The following PCDHGA7 variants were observed in gnomAD, a reference collection of about 807,000 sequenced individuals.
The protein encoded by PCDHGA7 is protocadherin gamma-A7.
In PCDHGA7, 44 loss-of-function variants were observed where a neutral mutation model predicts 58.3. The observed-to-expected ratio is 0.75, with a 90% CI of 0.59 to 0.97. PCDHGA7 has a LOEUF of 0.97. Among genes scored for constraint, PCDHGA7 ranks in the 50% least tolerant of loss-of-function variants. PCDHGA7 has a pLI of 0.00. For missense variants in PCDHGA7, 1,266 were observed against 1,188.7 expected (o/e 1.06, Z -0.96); for synonymous variants, 516 against 504.2 (o/e 1.02, Z -0.31).
At chr5:141,433,349 T>C in intron 1 of PCDHGA7, 1 of 616,610 alleles carries the variant, frequency 1.6e-6, no homozygotes, top group East Asian at 2.8e-5. Flanking sequence ...GCAAGCCACC[T>C]ACTGTCTGCC....
Position 141,384,107 on chromosome 5 carries a change from G to T in PCDHGA7, c.1208G>T (p.Arg403Ile). 3 of 1,602,850 alleles carry T rather than the reference G, an allele frequency of 1.9e-6. No homozygotes were observed. Among genetic ancestry groups the T allele is most frequent in the Non-Finnish European group, 2.6e-6 (3 of 1,174,238 alleles). The change falls in exon 1 of 4, where the codon AGA (arginine) becomes ATA (isoleucine). Residue 403 changes from arginine to isoleucine, a missense_variant. Coordinates refer to ENST00000518325, the MANE Select transcript of PCDHGA7 (RefSeq NM_018920.4). The stretch of plus-strand genomic sequence containing the variant: ...GAAAAATCAATAGATAATTATTATA[G>T]ATTGGTCACAACCAAAAACTTGGAC... ...KLEKSIDNYY[R>I]LVTTKNLDRE...
intron 2 of PCDHGA7, among the ~76,000 whole-genome samples, chr5:141,499,016 GGAAGGAA>G (rs2099788564): frequency 7.0e-6 from 1 of 143,496 alleles, no homozygotes; most frequent in Non-Finnish European, 1.5e-5. Flanking sequence ...AAGGAAGGAA[GGAAGGAA>G]GGAAGAAAAG....
At chr5:141,419,385 C>T (rs753470433) in intron 1 of PCDHGA7, 6 of 1,613,686 alleles carry the variant, frequency 3.7e-6, no homozygotes, top group Admixed American at 1.7e-5. Context: ...TCCGTGAGCG[C>T]GCAGAGCGGG....
rs746906389 is a variant in PCDHGA7 at position 141,384,782 on chromosome 5, C to T, written c.1883C>T (p.Thr628Met). The T allele has an allele frequency of 5.0e-6, 8 of 1,613,640 alleles. No individual in the cohort carries two copies. The highest frequency in any genetic ancestry group is 5.9e-6 in the Non-Finnish European group (7 of 1,179,944). Residue 628 changes from threonine to methionine, a missense_variant, in exon 1 of 4, where the codon ACG becomes ATG. Physicochemically the swap from Thr to Met is moderately conservative, Grantham distance 81. Transcript: ENST00000518325. ...AVGLYTGEVR[T>M]ARALLDRDAL... The stretch of plus-strand genomic sequence containing the variant: ...GGGCTGTACACGGGCGAGGTGCGCA[C>T]GGCTCGGGCCCTGCTGGACAGAGAT...
At chr5:141,387,637 G>C in intron 1 of PCDHGA7, 1 of 603,262 alleles carries the variant, frequency 1.7e-6, no homozygotes, top group Non-Finnish European at 2.8e-6. Flanking sequence ...GGGCGCCGCT[G>C]TTGGCCAAAG....
chr5:141,490,050 C>T lies in PCDHGA7; in HGVS notation c.2425-4757C>T, dbSNP rs1400735375. On this transcript the variant is annotated intron_variant, in intron 1 of 3. Transcript: ENST00000518325. This position sits in a 1 kb window ranked among gnomAD's most constrained non-coding sequence, Gnocchi z 5.4. ...TCCGCCTCAATGCCACTGATCCAGA[C>T]GAGGGCACCAACGGCCAACTAGACT... The T allele has an allele frequency of 1.2e-6, 2 of 1,614,224 alleles. No individual in the cohort carries two copies. The highest frequency in any genetic ancestry group is 1.7e-6 in the Non-Finnish European group (2 of 1,180,022).
At position 141,383,956 on chromosome 5, in the gene PCDHGA7, A is replaced by T; in HGVS notation, c.1057A>T (p.Ser353Cys). The part of the protein sequence containing the change: ...NAPEVTMTSL[S>C]SSIPEDTPLG... Reference sequence around the variant, plus strand: ...TCCAGAAGTGACTATGACGTCTTTAAGTAGCTCAATCCCTGAAGACACACC... The same window carrying T: ...TCCAGAAGTGACTATGACGTCTTTATGTAGCTCAATCCCTGAAGACACACC... The change falls in exon 1 of 4, where the codon AGT becomes TGT. Residue 353 changes from serine (S) to cysteine (C), a missense_variant. Physicochemically the swap from Ser to Cys is moderately radical, Grantham distance 112. Coordinates refer to ENST00000518325, the MANE Select transcript of PCDHGA7 (RefSeq NM_018920.4). 1.2e-6 allele frequency: 2 copies of T among 1,613,670 alleles called. No individual in the cohort carries two copies. Among genetic ancestry groups the T allele is most frequent in the South Asian group, 1.1e-5 (1 of 91,072 alleles).
At position 141,470,874 on chromosome 5, in the gene PCDHGA7, T is replaced by G. The variant is rs146599745; in HGVS notation, c.2425-23933T>G. ...AGATAAGTTTTTTGTTTGTTTGTTT[T>G]TTTGTTTTTGTTTTTGTTTTTTGTA... On this transcript the variant is annotated intron_variant, in intron 1 of 3. Coordinates refer to ENST00000518325, the MANE Select transcript of PCDHGA7 (RefSeq NM_018920.4). 1.4e-3 allele frequency among the ~76,000 whole-genome samples: 218 copies of G among 151,820 alleles called. 1 individual carries two copies. Among genetic ancestry groups the G allele is most frequent in the Middle Eastern group, 0.01 (3 of 294 alleles).
rs774456704 is a variant in PCDHGA7, at chr5:141,390,013, C to T, written c.2424+4690C>T. On this transcript the variant is annotated intron_variant, in intron 1 of 3. Coordinates refer to ENST00000518325, the MANE Select transcript of PCDHGA7 (RefSeq NM_018920.4). ...CTCGTGGCCATGATTCTGGCCATTG[C>T]CTTGCGCCTGCGACGCTCCTCCAGC... 1.3e-4 allele frequency: 202 copies of T among 1,613,936 alleles called. No homozygotes were observed. The highest frequency in any genetic ancestry group is 1.6e-4 in the Non-Finnish European group (192 of 1,179,918).
intron 1 of PCDHGA7, chr5:141,404,234 G>A (rs2094500908): frequency 6.2e-7 from 1 of 1,613,770 alleles, no homozygotes; most frequent in African/African-American, 1.3e-5. Context: ...AACAGACAGA[G>A]GAACTCCGCC....
intron 1 of PCDHGA7, chr5:141,399,528 C>A: frequency 6.2e-7 from 1 of 1,614,046 alleles, no homozygotes; most frequent in Non-Finnish European, 8.5e-7. Flanking sequence ...GGGCCTCCAT[C>A]GCGCAAGTCT....
Position 141,386,264 on chromosome 5 carries a change from A to T in PCDHGA7, c.2424+941A>T, listed in dbSNP as rs115810695. Among the ~76,000 whole-genome samples the T allele has an allele frequency of 6.0e-3, 910 of 152,346 alleles. 6 individuals are homozygous for T. Among genetic ancestry groups the T allele is most frequent in the African/African-American group, 0.02 (846 of 41,566 alleles). On this transcript the variant is annotated intron_variant, in intron 1 of 3. Coordinates refer to ENST00000518325, the MANE Select transcript of PCDHGA7 (RefSeq NM_018920.4). ...TTGGAAATAACCCAATCTGGGATTA[A>T]CTACTTCCATATTCTTTTGTATAAC...
Position 141,485,365 on chromosome 5 carries a change from G to A in PCDHGA7, c.2425-9442G>A. 1 of 1,614,120 alleles carries A rather than the reference G, an allele frequency of 6.2e-7. No homozygotes were observed. Among genetic ancestry groups the A allele is most frequent in the Admixed American group, 1.7e-5 (1 of 60,018 alleles). ...CGGACAGTCTGTCAGCTCGCAGGCT[G>A]CAGGTCGCTGGAGAGGTGAACCAAA... On this transcript the variant is annotated intron_variant, in intron 1 of 3. Transcript: ENST00000518325. The surrounding 1 kb of genome is among the most constrained non-coding windows in gnomAD (Gnocchi z 5.7).
At chr5:141,388,619 C>T (rs369637121) in intron 1 of PCDHGA7, 3 of 1,613,852 alleles carry the variant, frequency 1.9e-6, no homozygotes, top group Non-Finnish European at 2.5e-6. Context: ...TCAGTCAAGA[C>T]GTATACAGGG....
At position 141,476,791 on chromosome 5, in the gene PCDHGA7, C is replaced by A. The variant is rs766227340; in HGVS notation, c.2425-18016C>A. 1 of 1,613,512 alleles carries A rather than the reference C, an allele frequency of 6.2e-7. No individual in the cohort carries two copies. Among genetic ancestry groups the A allele is most frequent in the Non-Finnish European group, 8.5e-7 (1 of 1,180,014 alleles). On this transcript the variant is annotated intron_variant, in intron 1 of 3. Transcript: ENST00000518325. This position sits in a 1 kb window ranked among gnomAD's most constrained non-coding sequence, Gnocchi z 7.6. ...TGGACGGAGGGACCCCAGCTCTCTC[C>A]GCCAGCCTGCCTATTCACATCAAGG...
chr5:141,404,109 TCCAGGAGAATCTATCTTTTA>T, intron 1 of PCDHGA7: 1 of 1,613,518 alleles, frequency 6.2e-7, no homozygotes, highest in East Asian at 2.2e-5. Flanking sequence ...GTCTGTTCTA[TCCAGGAGAATCTATCTTTTA>T]CATTAGAAAA....
chr5:141,400,236 G>C (rs1195592972), intron 1 of PCDHGA7: 6 of 1,613,868 alleles, frequency 3.7e-6, no homozygotes, highest in African/African-American at 1.3e-5. Flanking sequence ...TCCTGGCCGT[G>C]ATTCTGGCCG....
intron 3 of PCDHGA7, among the ~76,000 whole-genome samples, chr5:141,508,984 C>G (rs1039260828): frequency 4.7e-4 from 72 of 152,154 alleles, no homozygotes; most frequent in African/African-American, 1.7e-3. Context: ...GGGTGGGGGC[C>G]AGCTGGGGTA....
At chr5:141,395,135 C>A (rs2093181761) in intron 1 of PCDHGA7, 3 of 1,614,104 alleles carry the variant, frequency 1.9e-6, no homozygotes, top group Non-Finnish European at 2.5e-6. Flanking sequence ...CCCAGCCCAA[C>A]TACGCAGACA....
Sources: allele counts gnomAD v4.1 joint callset (sites outside exome capture counted in the v4.1 genomes callset), GRCh38; gene constraint gnomAD v4.1.1; non-coding constraint Gnocchi (gnomAD v3.1); transcripts MANE v1.5; gene names NCBI Gene and HGNC (gene_info 2026-07-23, HGNC 2026-07-21).